GLIS3: variants seen among roughly 807,000 people sequenced by gnomAD.
The protein encoded by GLIS3 is zinc finger protein GLIS3.
A neutral mutation model predicts 78.6 loss-of-function variants in GLIS3; 53 were observed. The ratio of observed to expected loss-of-function variants is 0.67; its 90% CI spans 0.54 to 0.85. The LOEUF is 0.85. Ranked by LOEUF, GLIS3 falls within the 40% of genes least tolerant of loss-of-function variation. The pLI is 0.00. For missense variants in GLIS3, 1,703 were observed against 1,231.1 expected (o/e 1.38, Z -5.74); for synonymous variants, 684 against 509.9 (o/e 1.34, Z -4.60).
chr9:3,912,210 G>C (rs185887309), intron 6 of GLIS3, among the ~76,000 whole-genome samples: 10 of 152,256 alleles, frequency 6.6e-5, no homozygotes, highest in Admixed American at 4.6e-4. Context: ...TTTTACTCAA[G>C]AAGAGGCTAT....
At chr9:4,049,786 A>T (rs1825568624) in intron 4 of GLIS3, among the ~76,000 whole-genome samples, 1 of 152,212 alleles carries the variant, frequency 6.6e-6, no homozygotes. Flanking sequence ...AAGTGGGCAA[A>T]GGATATGAAC....
chr9:4,414,545 G>A, the GLIS3 span, among the ~76,000 whole-genome samples: 1 of 152,194 alleles, frequency 6.6e-6, no homozygotes, highest in Admixed American at 6.5e-5. Context: ...ATATAATGCT[G>A]GTGGATAGCT....
At chr9:3,899,488 T>A (rs1823124648) in intron 6 of GLIS3, among the ~76,000 whole-genome samples, 1 of 152,110 alleles carries the variant, frequency 6.6e-6, no homozygotes, top group Non-Finnish European at 1.5e-5. Flanking sequence ...ATCTGATCTT[T>A]TAATGAATAA....
intron 4 of GLIS3, among the ~76,000 whole-genome samples, chr9:3,994,610 G>A (rs1186978612): frequency 6.6e-6 from 1 of 152,024 alleles, no homozygotes; most frequent in East Asian, 1.9e-4. Flanking sequence ...GTATTTACAT[G>A]GAATTTCTAC....
At chr9:3,984,874 C>A (rs149577909) in intron 4 of GLIS3, among the ~76,000 whole-genome samples, 1 of 152,140 alleles carries the variant, frequency 6.6e-6, no homozygotes, top group Non-Finnish European at 1.5e-5. Context: ...CTCGCGAGAT[C>A]TGATGGTTTT....
At chr9:4,229,227 G>A (rs1015415967) in intron 2 of GLIS3, among the ~76,000 whole-genome samples, 2 of 152,238 alleles carry the variant, frequency 1.3e-5, no homozygotes, top group African/African-American at 4.8e-5. Flanking sequence ...GCTGGAATTA[G>A]AGAGATTTGC....
intron 1 of GLIS3, among the ~76,000 whole-genome samples, chr9:4,297,741 G>A (rs1241218981): frequency 1.3e-5 from 2 of 152,188 alleles, no homozygotes; most frequent in Non-Finnish European, 2.9e-5. Flanking sequence ...GCAAACTAGC[G>A]TGGGGCTCAA....
chr9:4,389,411 G>C, the GLIS3 span, among the ~76,000 whole-genome samples: 1 of 152,180 alleles, frequency 6.6e-6, no homozygotes, highest in Admixed American at 6.5e-5. Flanking sequence ...AGGTTGTGAG[G>C]GAAGGGGATT....
chr9:3,921,356 G>A (rs1824875845), intron 6 of GLIS3, among the ~76,000 whole-genome samples: 1 of 152,198 alleles, frequency 6.6e-6, no homozygotes, highest in Non-Finnish European at 1.5e-5. Flanking sequence ...CAATCGCCCT[G>A]TGGAGGTAGG....
chr9:4,409,609 G>C, the GLIS3 span, among the ~76,000 whole-genome samples: 1 of 152,078 alleles, frequency 6.6e-6, no homozygotes, highest in African/African-American at 2.4e-5. Flanking sequence ...CATAAACAAA[G>C]ATAATTAGAG....
At chr9:4,111,038 A>G (rs1831170746) in intron 4 of GLIS3, among the ~76,000 whole-genome samples, 1 of 152,232 alleles carries the variant, frequency 6.6e-6, no homozygotes, top group Non-Finnish European at 1.5e-5. Flanking sequence ...ATTGCCAAAC[A>G]AATTTTCCAC....
chr9:3,893,184 C>A (rs975633681), intron 7 of GLIS3, among the ~76,000 whole-genome samples: 1 of 152,192 alleles, frequency 6.6e-6, no homozygotes, highest in Admixed American at 6.5e-5. Context: ...CCCAGCCTCG[C>A]TACTTGCCTC....
intron 2 of GLIS3, among the ~76,000 whole-genome samples, chr9:4,321,392 A>G (rs1245755250): frequency 1.7e-4 from 18 of 107,084 alleles, no homozygotes; most frequent in African/African-American, 2.5e-4. Context: ...ACTGCACTCC[A>G]GCCTGGGCCA....
the GLIS3 span, among the ~76,000 whole-genome samples, chr9:4,430,468 T>C: frequency 3.9e-5 from 6 of 152,248 alleles, no homozygotes; most frequent in Non-Finnish European, 8.8e-5. Context: ...TATGCCTATG[T>C]CTTTCGTGCA....
chr9:4,149,363 T>A (rs776274279), intron 2 of GLIS3, among the ~76,000 whole-genome samples: 2 of 152,196 alleles, frequency 1.3e-5, no homozygotes, highest in Non-Finnish European at 2.9e-5. Context: ...AAACCCCAGC[T>A]AGCCCAACTC....
At chr9:4,170,819 T>C (rs1054892657) in intron 2 of GLIS3, among the ~76,000 whole-genome samples, 1 of 152,204 alleles carries the variant, frequency 6.6e-6, no homozygotes, top group Non-Finnish European at 1.5e-5. Context: ...AACACTTCCA[T>C]TGTAAATACT....
At chr9:3,949,618 A>G (rs923588520) in intron 4 of GLIS3, among the ~76,000 whole-genome samples, 1 of 152,228 alleles carries the variant, frequency 6.6e-6, no homozygotes, top group African/African-American at 2.4e-5. Flanking sequence ...TACTTAGCTT[A>G]CCTTTTCTTC....
chr9:3,852,011 G>C (rs2130189184), intron 9 of GLIS3, among the ~76,000 whole-genome samples: 1 of 152,210 alleles, frequency 6.6e-6, no homozygotes, highest in South Asian at 2.1e-4. Flanking sequence ...TGGATGTGGG[G>C]GCATGCGCCT....
intron 4 of GLIS3, among the ~76,000 whole-genome samples, chr9:3,983,807 G>A (rs1028306772): frequency 1.1e-4 from 16 of 152,268 alleles, no homozygotes; most frequent in African/African-American, 3.6e-4. Context: ...TGCTGTTAAG[G>A]GCATTCAGTT....
Sources: gnomAD v4.1 joint callset for allele counts (sites outside exome capture counted in the v4.1 genomes callset) on GRCh38, gnomAD v4.1.1 for gene constraint, MANE v1.5 for transcripts, NCBI Gene and HGNC (gene_info 2026-07-23, HGNC 2026-07-21) for gene names.